Variants in EP400 observed in about 807,000 individuals in gnomAD.
EP400 encodes the protein E1A binding protein p400.
Under a neutral mutation model 354.1 loss-of-function variants are expected in EP400, and 105 were observed. The observed-to-expected ratio is 0.30, with a 90% CI of 0.25 to 0.35. The LOEUF (loss-of-function observed/expected upper bound fraction) is 0.35. Ranked by LOEUF, EP400 falls within the 10% of genes least tolerant of loss-of-function variation. The probability of loss-of-function intolerance (pLI) is 1.00; values close to 1 mark genes in which losing one functional copy is unlikely to be tolerated. For missense variants in EP400, 3,280 were observed against 4,121.0 expected, an observed-to-expected ratio of 0.80 and a Z score of 5.59; for synonymous variants, 1,646 against 1,716.9, an observed-to-expected ratio of 0.96 and a Z score of 1.02.
intron 13 of EP400, 114 bp downstream of exon 13, chr12:132,005,298 G>A (rs1376599927): frequency 2.9e-6 from 2 of 680,148 alleles, no homozygotes; most frequent in Non-Finnish European, 4.6e-6. Context: ...TAAAAAATTA[G>A]AAATATTTAA....
chr12:131,988,111 G>A (rs1892917207), intron 7 of EP400, among the ~76,000 whole-genome samples: 1 of 150,732 alleles, frequency 6.6e-6, no homozygotes, highest in Non-Finnish European at 1.5e-5. Flanking sequence ...GGGCTCAAGT[G>A]ATTGCTCGCC....
At chr12:132,061,040 AGT>A (rs1488414375) in intron 45 of EP400, among the ~76,000 whole-genome samples, 3 of 152,226 alleles carry the variant, frequency 2.0e-5, no homozygotes, top group Non-Finnish European at 2.9e-5. Context: ...CCCAGCTGGA[AGT>A]GGTAACAAGG....
At position 131,990,832 on chromosome 12, in the gene EP400, A is replaced by G. The variant is rs952192108; in HGVS notation, c.2629+118A>G. 1.4e-6 allele frequency: 1 copy of G among 717,074 alleles called. No homozygotes were observed. The allele number at this position is 717,074 out of a possible 1,614,324, so 44.4% of individuals were successfully genotyped here. A position where few individuals can be genotyped will look rare whatever the true frequency, so the allele number is the denominator to read the frequency against. On this transcript the variant is annotated intron_variant, in intron 9 of 52. Transcript: ENST00000389561. The surrounding 1 kb of genome is among the most constrained non-coding windows in gnomAD (Gnocchi z 4.2). ...CACAGAGGACATCTGCTCATCAGCC[A>G]GCTGCCTGATTGTTACATTTCTCTT... is the stretch of plus-strand genomic sequence containing the variant.
At chr12:132,058,161 T>A (rs115883765) in intron 45 of EP400, among the ~76,000 whole-genome samples, 1 of 151,814 alleles carries the variant, frequency 6.6e-6, no homozygotes, top group African/African-American at 2.4e-5. Context: ...GAGCGGAGGG[T>A]CTGAGGGGAA....
chr12:132,066,101 G>GT (rs1895882422), intron 48 of EP400: 1 of 152,054 alleles, frequency 6.6e-6, no homozygotes, highest in Non-Finnish European at 1.5e-5. Context: ...TTTGAAAGTG[G>GT]TTTTTTGTAA....
At chr12:132,014,678 G>T (rs1487230983) in intron 19 of EP400, among the ~76,000 whole-genome samples, 1 of 152,122 alleles carries the variant, frequency 6.6e-6, no homozygotes, top group Non-Finnish European at 1.5e-5. Context: ...CCCCTACCCC[G>T]TGCCACCTCA....
At chr12:131,977,503 G>GTT (rs761582396) in intron 2 of EP400, among the ~76,000 whole-genome samples, 1 of 142,132 alleles carries the variant, frequency 7.0e-6, no homozygotes. Flanking sequence ...CCTTTATCAA[G>GTT]TTTTTTTTTT....
At chr12:131,973,797 G>T (rs889463306) in intron 2 of EP400, among the ~76,000 whole-genome samples, 1 of 152,042 alleles carries the variant, frequency 6.6e-6, no homozygotes, top group African/African-American at 2.4e-5. Context: ...AAGGTTTTGT[G>T]GTTGTGTTGA....
At chr12:132,058,609 C>G (rs1463200498) in intron 45 of EP400, among the ~76,000 whole-genome samples, 1 of 152,018 alleles carries the variant, frequency 6.6e-6, no homozygotes, top group Non-Finnish European at 1.5e-5. Flanking sequence ...CTCAGCCTCC[C>G]AAAGTGCTGG....
At chr12:132,003,383 C>A (rs1451165639) in intron 12 of EP400, among the ~76,000 whole-genome samples, 1 of 152,076 alleles carries the variant, frequency 6.6e-6, no homozygotes, top group Non-Finnish European at 1.5e-5. Context: ...AGGTTACGTG[C>A]AAATATACAT....
Position 131,973,579 on chromosome 12 carries a change from G to C in EP400, c.1336-6115G>C, listed in dbSNP as rs569192503. On this transcript the variant is annotated intron_variant, in intron 2 of 52. Transcript: ENST00000389561. ...AATCACTTGAACCCAGGAGGCAGAG[G>C]CTACAGTGAGCCAAGATTGTGCCGC... Among the ~76,000 whole-genome samples the C allele has an allele frequency of 2.1e-3, 323 of 152,266 alleles. 3 individuals carry two copies. Among genetic ancestry groups the C allele is most frequent in the African/African-American group, 7.4e-3 (307 of 41,554 alleles).
At chr12:131,992,812 G>A (rs1430330538) in intron 11 of EP400, among the ~76,000 whole-genome samples, 1 of 152,176 alleles carries the variant, frequency 6.6e-6, no homozygotes, top group Non-Finnish European at 1.5e-5. Flanking sequence ...TTGTGTGGCG[G>A]TTCCTGTCAG....
chr12:131,991,376 T>C (rs1360571584), intron 9 of EP400, 31 bp from the exon 10 acceptor site: 1 of 1,613,110 alleles, frequency 6.2e-7, no homozygotes, highest in Non-Finnish European at 8.5e-7. Flanking sequence ...TGGGGGGCCT[T>C]GGGAACGAAC....
intron 30 of EP400, among the ~76,000 whole-genome samples, chr12:132,033,067 C>A (rs911285198): frequency 6.6e-6 from 1 of 152,120 alleles, no homozygotes; most frequent in South Asian, 2.1e-4. Context: ...TCCGCCTCAG[C>A]CCCCCGAGGA....
Position 132,045,813 on chromosome 12 carries a change from T to A in EP400, c.7113T>A (p.Val2371=), listed in dbSNP as rs757642583. The A allele has an allele frequency of 1.4e-5, 22 of 1,614,110 alleles. No individual in the cohort carries two copies. Among genetic ancestry groups the A allele is most frequent in the Non-Finnish European group, 1.9e-5 (22 of 1,180,052 alleles). Residue 2371 remains valine, a synonymous_variant, in exon 39 of 53, where the codon GTT becomes GTA. Transcript: ENST00000389561. ...CTAATTGGGATCTTGTCAGTGACGT[T>A]GTTAACTCCTGTAGCCGAATCTACC... is the stretch of plus-strand genomic sequence containing the variant. ...HTPNWDLVSD[V]VNSCSRIYRS... is the part of the protein sequence containing the mutation.
chr12:132,013,977 T>C lies in EP400; in HGVS notation c.3923+64T>C. The C allele has an allele frequency of 6.3e-7, 1 of 1,584,196 alleles. No homozygotes were observed. The highest frequency in any genetic ancestry group is 8.6e-7 in the Non-Finnish European group (1 of 1,166,122). On this transcript the variant is annotated intron_variant, in intron 19 of 52. Transcript: ENST00000389561. This position sits in a 1 kb window ranked among gnomAD's most constrained non-coding sequence, Gnocchi z 4.5. ...CCTGCCTGTGAGGGAAAACGGCCCT[T>C]TCTGTGGCCTCAGCAGAAAGCTCCT... is the stretch of plus-strand genomic sequence containing the variant.
rs1384970281 is a variant in EP400, at chr12:132,052,325, T to A, written c.7395-821T>A. 6.6e-6 allele frequency among the ~76,000 whole-genome samples: 1 copy of A among 152,208 alleles called. No homozygotes were observed. Among genetic ancestry groups the A allele is most frequent in the African/African-American group, 2.4e-5 (1 of 41,456 alleles). ...CCCTTTCCGCACAGTAGTGGAGTGA[T>A]CCTTGTCAGAAGGAGTTGGCTCAGG... On this transcript the variant is annotated intron_variant, in intron 41 of 52. Transcript: ENST00000389561. The surrounding 1 kb of genome is among the most constrained non-coding windows in gnomAD (Gnocchi z 4.4).
rs1005772638 is a variant in EP400 at position 131,975,716 on chromosome 12, T to C, written c.1336-3978T>C. Among the ~76,000 whole-genome samples, 37 of 152,088 alleles carry C rather than the reference T, an allele frequency of 2.4e-4. 1 individual carries two copies. The highest frequency in any genetic ancestry group is 8.8e-5 in the Non-Finnish European group (6 of 68,012). On this transcript the variant is annotated intron_variant, in intron 2 of 52. Transcript: ENST00000389561. The stretch of plus-strand genomic sequence containing the variant: ...CTGGGAGTACAGGCCTGTGCCACCA[T>C]ACCTAGCTAATTTTTGTATTTTTGT...
chr12:132,043,493 A>G (rs770018681), intron 33 of EP400, 31 bp downstream of exon 33: 34 of 1,598,212 alleles, frequency 2.1e-5, no homozygotes, highest in Non-Finnish European at 2.7e-5. Context: ...ACAACTACAT[A>G]TTTTAAAAAT....
Sources: gnomAD v4.1 joint callset for allele counts (sites outside exome capture counted in the v4.1 genomes callset) on GRCh38, gnomAD v4.1.1 for gene constraint, Gnocchi (gnomAD v3.1) non-coding constraint, MANE v1.5 for transcripts, NCBI Gene and HGNC (gene_info 2026-07-23, HGNC 2026-07-21) for gene names.